Variants in CLCN3 observed in about 807,000 individuals in gnomAD.
CLCN3 encodes H(+)/Cl(-) exchange transporter 3.
Under a neutral mutation model 83.4 loss-of-function variants are expected in CLCN3, and 16 were observed. The ratio of observed to expected loss-of-function variants is 0.19; its 90% confidence interval spans 0.13 to 0.29. The LOEUF (loss-of-function observed/expected upper bound fraction) is 0.29, where lower values mean the gene tolerates loss of function less well. Among genes scored for constraint, CLCN3 ranks in the 10% least tolerant of loss-of-function variants. The pLI, the probability that CLCN3 is intolerant of heterozygous loss-of-function variation, is 1.00. For missense variants in CLCN3, 544 were observed against 1,006.0 expected, an observed-to-expected ratio of 0.54 and a Z score of 6.21; for synonymous variants, 322 against 346.2, an observed-to-expected ratio of 0.93 and a Z score of 0.78.
At position 169,666,298 on chromosome 4, in the gene CLCN3, A is replaced by G. The variant is rs1394511420; in HGVS notation, c.161-13752A>G. Among the ~76,000 whole-genome samples, 3 of 152,334 alleles carry G rather than the reference A, an allele frequency of 2.0e-5. No individual in the cohort carries two copies. The East Asian group carries it at 5.8e-4, about 29-fold the overall frequency. ...TCAGTGAGAAACATTTCTCCACTTCATGTTTGAAAAACATTTCAAAAGCTA... is the reference window on the plus strand; with the variant it reads ...TCAGTGAGAAACATTTCTCCACTTCGTGTTTGAAAAACATTTCAAAAGCTA... On this transcript the variant is annotated intron_variant, in intron 2 of 12. Transcript: ENST00000513761.
At chr4:169,627,972 C>A (rs186770191) in intron 1 of CLCN3, among the ~76,000 whole-genome samples, 2 of 152,142 alleles carry the variant, frequency 1.3e-5, no homozygotes, top group African/African-American at 4.8e-5. Flanking sequence ...TGGAACAGAA[C>A]AGAGAACTCT....
rs199828369 is a variant in CLCN3, at chr4:169,675,942, A to G, written c.161-4108A>G. On this transcript the variant is annotated intron_variant, in intron 2 of 12. Transcript: ENST00000513761. Reference sequence around the variant, plus strand: ...TTTTCATAGCTGTCTCTATGGTTCTATGAAAATACTGTGTGTGTGCTTATA... The same window carrying G: ...TTTTCATAGCTGTCTCTATGGTTCTGTGAAAATACTGTGTGTGTGCTTATA... Among the ~76,000 whole-genome samples, 40 of 152,324 alleles carry G rather than the reference A, an allele frequency of 2.6e-4. No homozygotes were observed. The East Asian group carries it at 7.1e-3, about 27-fold the overall frequency.
intron 9 of CLCN3, among the ~76,000 whole-genome samples, chr4:169,700,774 A>G (rs1732755384): frequency 5.9e-5 from 9 of 152,224 alleles, no homozygotes; most frequent in Admixed American, 5.9e-4. Flanking sequence ...TAGTGCATAT[A>G]AAAGTTCTGT....
At chr4:169,709,513 G>T (rs1041884497) in intron 11 of CLCN3, among the ~76,000 whole-genome samples, 5 of 151,858 alleles carry the variant, frequency 3.3e-5, no homozygotes, top group African/African-American at 1.2e-4. Flanking sequence ...GTGAAATCCC[G>T]CCTCTACTAA....
At chr4:169,672,592 A>T (rs1336590952) in intron 2 of CLCN3, among the ~76,000 whole-genome samples, 3 of 152,192 alleles carry the variant, frequency 2.0e-5, no homozygotes, top group Non-Finnish European at 2.9e-5. Context: ...CTTTTAAAAA[A>T]TTTTAACATA....
chr4:169,693,832 G>C (rs1401180143), intron 7 of CLCN3, among the ~76,000 whole-genome samples: 1 of 152,188 alleles, frequency 6.6e-6, no homozygotes, highest in African/African-American at 2.4e-5. Flanking sequence ...ATACTGTAGT[G>C]ATTAGTTAAT....
chr4:169,672,963 G>C (rs1731536125), intron 2 of CLCN3, among the ~76,000 whole-genome samples: 1 of 152,074 alleles, frequency 6.6e-6, no homozygotes, highest in South Asian at 2.1e-4. Context: ...GCGCCCGGCT[G>C]TAAGTTATAT....
At chr4:169,674,398 G>T (rs773550992) in intron 2 of CLCN3, among the ~76,000 whole-genome samples, 2 of 152,176 alleles carry the variant, frequency 1.3e-5, no homozygotes, top group Non-Finnish European at 2.9e-5. Context: ...TATATGGAAA[G>T]CAGAGTCAGA....
At chr4:169,700,709 A>C (rs1424051275) in intron 9 of CLCN3, among the ~76,000 whole-genome samples, 1 of 152,198 alleles carries the variant, frequency 6.6e-6, no homozygotes. Context: ...AGTTCAGAGC[A>C]CCACAATAAA....
In CLCN3 at chr4:169,692,290, G is replaced by C; in HGVS notation, c.906G>C (p.Lys302Asn). ...CGNIFSYLFP[K>N]YSTNEAKKRE... is the part of the protein sequence containing the mutation. ...ATATCTTTTCCTACCTCTTTCCAAA[G>C]TATAGCACAAACGAAGCTAAAAAAA... Residue 302 changes from lysine (K) to asparagine (N), a missense_variant, in exon 7 of 13, where the codon AAG becomes AAC. Transcript: ENST00000513761. 1 of 1,610,576 alleles carries C rather than the reference G, an allele frequency of 6.2e-7. No individual in the cohort carries two copies. The highest frequency in any genetic ancestry group is 1.1e-5 in the South Asian group (1 of 90,690).
chr4:169,702,271 A>G (rs1157390609), intron 9 of CLCN3, among the ~76,000 whole-genome samples: 1 of 152,164 alleles, frequency 6.6e-6, no homozygotes, highest in Admixed American at 6.5e-5. Flanking sequence ...CTGACTAGCT[A>G]CCTGCTGTAA....
intron 2 of CLCN3, among the ~76,000 whole-genome samples, chr4:169,678,550 G>A (rs1731773388): frequency 6.6e-6 from 1 of 152,216 alleles, no homozygotes; most frequent in South Asian, 2.1e-4. Flanking sequence ...GTTTTCCTAG[G>A]CAGAGGACCC....
chr4:169,683,668 C>A (rs1229524263), intron 3 of CLCN3, among the ~76,000 whole-genome samples: 1 of 152,030 alleles, frequency 6.6e-6, no homozygotes, highest in Non-Finnish European at 1.5e-5. Flanking sequence ...TATTTTGATC[C>A]ATGCTTATAT....
rs545145780 is a variant in CLCN3 at position 169,620,622 on chromosome 4, C to T, written c.-458C>T. On this transcript the variant is annotated 5_prime_UTR_variant, in exon 1 of 13. Transcript: ENST00000513761. ...CAGGGCCGGTCCGGTCCGGAACCTG[C>T]AGCCCCTTTCCCAGTGTTCTAGTTC... 1.0e-5 allele frequency: 4 copies of T among 397,354 alleles called. No individual in the cohort carries two copies. Among genetic ancestry groups the T allele is most frequent in the African/African-American group, 6.2e-5 (3 of 48,626 alleles). 24.6% of individuals were successfully genotyped at this position (397,354 alleles called of 1,614,324 possible).
At chr4:169,650,655 C>G (rs1368075097) in intron 2 of CLCN3, among the ~76,000 whole-genome samples, 1 of 152,158 alleles carries the variant, frequency 6.6e-6, no homozygotes, top group Non-Finnish European at 1.5e-5. Flanking sequence ...GGTCAGAGCT[C>G]TTTTAAATGC....
At chr4:169,669,303 A>G (rs1400685531) in intron 2 of CLCN3, among the ~76,000 whole-genome samples, 2 of 152,138 alleles carry the variant, frequency 1.3e-5, no homozygotes, top group Non-Finnish European at 2.9e-5. Context: ...AATGTTCATA[A>G]TGGCAAACCA....
intron 2 of CLCN3, among the ~76,000 whole-genome samples, chr4:169,674,096 G>A (rs1731585036): frequency 6.6e-6 from 1 of 152,116 alleles, no homozygotes; most frequent in African/African-American, 2.4e-5. Context: ...GTGTCCTTTA[G>A]TACAAAAGAA....
intron 7 of CLCN3, among the ~76,000 whole-genome samples, chr4:169,693,980 T>G (rs1732470920): frequency 6.6e-6 from 1 of 152,170 alleles, no homozygotes; most frequent in African/African-American, 2.4e-5. Flanking sequence ...AAATGCTTCT[T>G]AGATACGTAT....
Position 169,697,434 on chromosome 4 carries a change from G to A in CLCN3, c.1263G>A (p.Thr421=), listed in dbSNP as rs1052678891. The A allele has an allele frequency of 9.9e-6, 16 of 1,614,020 alleles. No individual in the cohort carries two copies. Among genetic ancestry groups the A allele is most frequent in the Admixed American group, 1.7e-5 (1 of 59,988 alleles). ...CCTGGTGTCGTCGACGCAAGTCCAC[G>A]AAATTTGGAAAGTATCCCGTTCTGG... ...NIAWCRRRKS[T]KFGKYPVLEV... The change falls in exon 9 of 13, where the codon ACG becomes ACA. Residue 421 remains threonine (T), a synonymous_variant. Transcript: ENST00000513761.
Sources: gnomAD v4.1 joint callset for allele counts (sites outside exome capture counted in the v4.1 genomes callset) on GRCh38, gnomAD v4.1.1 for gene constraint, MANE v1.5 for transcripts, NCBI Gene and HGNC (gene_info 2026-07-23, HGNC 2026-07-21) for gene names.